TOLLIP: variants seen among roughly 807,000 people sequenced by gnomAD.
TOLLIP encodes toll interacting protein.
Under a neutral mutation model 33.5 loss-of-function variants are expected in TOLLIP, and 16 were observed. The observed-to-expected ratio is 0.48, with a 90% CI of 0.32 to 0.72. The LOEUF is 0.72. Among genes scored for constraint, TOLLIP ranks in the 30% least tolerant of loss-of-function variants. The pLI, the probability that TOLLIP is intolerant of heterozygous loss-of-function variation, is 0.03. For synonymous variants in TOLLIP, 176 were observed against 163.7 expected (o/e 1.07, Z -0.57); for missense variants, 325 against 396.6 (o/e 0.82, Z 1.53).
At chr11:1,300,792 C>A (rs1024972941) in intron 1 of TOLLIP, among the ~76,000 whole-genome samples, 2 of 152,228 alleles carry the variant, frequency 1.3e-5, no homozygotes, top group Non-Finnish European at 2.9e-5. Context: ...AGGAGCCGCA[C>A]CACAGTCGCC....
intron 5 of TOLLIP, among the ~76,000 whole-genome samples, chr11:1,283,040 C>T (rs1021432600): frequency 1.3e-5 from 2 of 152,208 alleles, no homozygotes; most frequent in African/African-American, 4.8e-5. Context: ...TCACGTGGTC[C>T]TGGGGTGCCT....
At chr11:1,291,546 C>T (rs55686144) in intron 2 of TOLLIP, among the ~76,000 whole-genome samples, 18 of 151,074 alleles carry the variant, frequency 1.2e-4, no homozygotes, top group Non-Finnish European at 2.5e-4. Flanking sequence ...AAGGCACGGC[C>T]ACCCCATCCT....
intron 1 of TOLLIP, among the ~76,000 whole-genome samples, chr11:1,299,940 G>A (rs1352015109): frequency 6.6e-6 from 1 of 152,266 alleles, no homozygotes; most frequent in Non-Finnish European, 1.5e-5. Flanking sequence ...GGAGGCGGAG[G>A]TGCGGCACGA....
intron 4 of TOLLIP, among the ~76,000 whole-genome samples, chr11:1,288,200 C>T (rs1297422222): frequency 3.9e-5 from 6 of 152,316 alleles, no homozygotes; most frequent in East Asian, 1.9e-4. Context: ...TGCCACACCA[C>T]GGCCAATGCC....
At chr11:1,280,314 G>C (rs1297800807) in intron 5 of TOLLIP, among the ~76,000 whole-genome samples, 1 of 152,228 alleles carries the variant, frequency 6.6e-6, no homozygotes, top group African/African-American at 2.4e-5. Flanking sequence ...CCCGTGCATG[G>C]TGCCACCGCG....
At position 1,277,153 on chromosome 11, in the gene TOLLIP, G is replaced by T. The variant is rs1378528584; in HGVS notation, c.711C>A (p.Ile237=). 1 of 1,613,452 alleles carries T rather than the reference G, an allele frequency of 6.2e-7. No individual in the cohort carries two copies. The highest frequency in any genetic ancestry group is 8.5e-7 in the Non-Finnish European group (1 of 1,179,540). Residue 237 remains isoleucine (I), a synonymous_variant, in exon 6 of 6, where the codon ATC becomes ATA. Coordinates refer to ENST00000317204, the MANE Select transcript of TOLLIP (RefSeq NM_019009.4). This position sits in a 1 kb window ranked among gnomAD's most constrained non-coding sequence, Gnocchi z 4.2. The part of the protein sequence containing the change: ...PRCSEEDLKA[I]QDMFPNMDQE... ...GGTCCATGTTGGGGAACATGTCCTG[G>T]ATGGCTTTCAGGTCCTCCTCGCTAC...
rs1864524765 is a variant in TOLLIP at position 1,309,354 on chromosome 11, G to A, written c.33+112C>T. ...CCGGCCAGGCGCCCCGCGTGCCCCG[G>A]GAGAGCCGCGGAGTCGGCCCGCCAG... On this transcript the variant is annotated intron_variant, in intron 1 of 5. Coordinates refer to ENST00000317204, the MANE Select transcript of TOLLIP (RefSeq NM_019009.4). 4 of 575,922 alleles carry A rather than the reference G, an allele frequency of 6.9e-6. No individual in the cohort carries two copies. The South Asian group carries it at 3.3e-4, about 47-fold the overall frequency. The allele number at this position is 575,922 out of a possible 1,614,324, so 35.7% of individuals were successfully genotyped here.
rs1863355415 is a variant in TOLLIP at position 1,277,687 on chromosome 11, C to T, written c.611-434G>A. On this transcript the variant is annotated intron_variant, in intron 5 of 5. Coordinates refer to ENST00000317204, the MANE Select transcript of TOLLIP (RefSeq NM_019009.4). The surrounding 1 kb of genome is among the most constrained non-coding windows in gnomAD (Gnocchi z 4.2). ...GGACGGACTACACGGAATGTCACGC[C>T]CGCTGATCCAAACACTGCACGGTCT... Among the ~76,000 whole-genome samples the T allele has an allele frequency of 6.6e-6, 1 of 152,168 alleles. No individual in the cohort carries two copies. Among genetic ancestry groups the T allele is most frequent in the Non-Finnish European group, 1.5e-5 (1 of 68,034 alleles).
At chr11:1,298,678 T>G (rs1864181266) in intron 1 of TOLLIP, 1 of 152,212 alleles carries the variant, frequency 6.6e-6, no homozygotes, top group Non-Finnish European at 1.5e-5. Flanking sequence ...ATAAACCGTG[T>G]GGATAGAACA....
intron 4 of TOLLIP, among the ~76,000 whole-genome samples, chr11:1,287,278 T>A (rs1863741866): frequency 6.6e-6 from 1 of 152,218 alleles, no homozygotes; most frequent in African/African-American, 2.4e-5. Flanking sequence ...TAAAGACGTG[T>A]CATGAGACAT....
At chr11:1,281,155 C>A (rs1175158452) in intron 5 of TOLLIP, among the ~76,000 whole-genome samples, 1 of 152,190 alleles carries the variant, frequency 6.6e-6, no homozygotes, top group East Asian at 1.9e-4. Flanking sequence ...TGTAAAGTAT[C>A]TAATTTGGTA....
chr11:1,307,392 C>T (rs968126427), intron 1 of TOLLIP, among the ~76,000 whole-genome samples: 9 of 152,216 alleles, frequency 5.9e-5, no homozygotes, highest in African/African-American at 2.2e-4. Flanking sequence ...CATCTCCTGC[C>T]GCTCCCACTT....
At position 1,309,506 on chromosome 11, in the gene TOLLIP, CG is replaced by C; in HGVS notation, c.-9del. ...GCTGACGGTGGTCGCCATGGTGCTG[CG>C]GCGGCCCCCGTGGCTCGCCGACCCG... On this transcript the variant is annotated 5_prime_UTR_variant, in exon 1 of 6. Coordinates refer to ENST00000317204, the MANE Select transcript of TOLLIP (RefSeq NM_019009.4). 7.7e-7 allele frequency: 1 copy of C among 1,306,472 alleles called. No homozygotes were observed. The highest frequency in any genetic ancestry group is 3.3e-5 in the East Asian group (1 of 29,912). The allele number at this position is 1,306,472 out of a possible 1,614,324, so 80.9% of individuals were successfully genotyped here.
rs1350300001 is a variant in TOLLIP, at chr11:1,276,676, GC to G, written c.*362del. On this transcript the variant is annotated 3_prime_UTR_variant, in exon 6 of 6. Transcript: ENST00000317204. ...TTCCAATTACATCACATCACAAAAT[GC>G]CATGAATGGAATCGGAAGGCGCTCC... 7.3e-7 allele frequency: 1 copy of G among 1,362,632 alleles called. No homozygotes were observed. The highest frequency in any genetic ancestry group is 9.6e-7 in the Non-Finnish European group (1 of 1,036,494). The allele number at this position is 1,362,632 out of a possible 1,614,324, so 84.4% of individuals were successfully genotyped here. A position where few individuals can be genotyped will look rare whatever the true frequency, so the allele number is the denominator to read the frequency against.
At position 1,292,813 on chromosome 11, in the gene TOLLIP, G is replaced by A. The variant is rs545386472; in HGVS notation, c.184-2404C>T. Among the ~76,000 whole-genome samples, 52 of 152,370 alleles carry A rather than the reference G, an allele frequency of 3.4e-4. 1 individual carries two copies. The South Asian group carries it at 9.5e-3, about 28-fold the overall frequency. The stretch of plus-strand genomic sequence containing the variant: ...GCAGACACACAGCGCAGCAGACGGC[G>A]TTACCACTGCAGGGAGTGACCAGCT... On this transcript the variant is annotated intron_variant, in intron 2 of 5. Coordinates refer to ENST00000317204, the MANE Select transcript of TOLLIP (RefSeq NM_019009.4).
chr11:1,290,411 T>C lies in TOLLIP; in HGVS notation c.184-2A>G, dbSNP rs1284139038. 2 of 1,609,768 alleles carry C rather than the reference T, an allele frequency of 1.2e-6. No individual in the cohort carries two copies. Among genetic ancestry groups the C allele is most frequent in the Non-Finnish European group, 1.7e-6 (2 of 1,177,062 alleles). On this transcript the variant is annotated splice_acceptor_variant, in intron 2 of 5. Coordinates refer to ENST00000317204, the MANE Select transcript of TOLLIP (RefSeq NM_019009.4). LOFTEE classifies it high-confidence loss of function. The surrounding 1 kb of genome is among the most constrained non-coding windows in gnomAD (Gnocchi z 4.9). Reference sequence around the variant, plus strand: ...GCCGTAATTCTTGGCCAACTTTGCCTGGAATGAAGCCAATGTCAGGAAAAG... The same window carrying C: ...GCCGTAATTCTTGGCCAACTTTGCCCGGAATGAAGCCAATGTCAGGAAAAG...
intron 5 of TOLLIP, among the ~76,000 whole-genome samples, chr11:1,281,892 G>A (rs1034688111): frequency 3.9e-5 from 6 of 152,218 alleles, no homozygotes; most frequent in African/African-American, 1.2e-4. Flanking sequence ...TAGTCGGCCC[G>A]AGACGCCCTG....
chr11:1,296,400 G>C (rs1263845536), intron 1 of TOLLIP, among the ~76,000 whole-genome samples: 2 of 152,234 alleles, frequency 1.3e-5, no homozygotes, highest in Non-Finnish European at 2.9e-5. Flanking sequence ...ACTTCTGAGG[G>C]GAAGAGAGAG....
intron 1 of TOLLIP, among the ~76,000 whole-genome samples, chr11:1,307,615 C>A (rs925434007): frequency 6.6e-6 from 1 of 152,246 alleles, no homozygotes; most frequent in African/African-American, 2.4e-5. Context: ...GCCACCATGC[C>A]CCCCTGCTCT....
Sources: gnomAD v4.1 joint callset for allele counts (sites outside exome capture counted in the v4.1 genomes callset) on GRCh38, gnomAD v4.1.1 for gene constraint, Gnocchi (gnomAD v3.1) non-coding constraint, MANE v1.5 for transcripts, NCBI Gene and HGNC (gene_info 2026-07-23, HGNC 2026-07-21) for gene names.